The following SYNDIG1 variants were observed in gnomAD, a reference collection of about 807,000 sequenced individuals.
SYNDIG1 encodes the protein synapse differentiation-inducing gene protein 1.
Under a neutral mutation model 19.4 loss-of-function variants are expected in SYNDIG1, and 9 were observed. The ratio of observed to expected loss-of-function variants is 0.46; its 90% CI spans 0.28 to 0.81. SYNDIG1 has a LOEUF of 0.81. Ranked by LOEUF, SYNDIG1 falls within the 30% of genes least tolerant of loss-of-function variation. SYNDIG1 has a pLI of 0.12. For missense variants in SYNDIG1, 311 were observed against 343.3 expected (o/e 0.91, Z 0.74); for synonymous variants, 141 against 145.9 (o/e 0.97, Z 0.24).
chr20:24,624,359 G>T (rs74927426), intron 3 of SYNDIG1, among the ~76,000 whole-genome samples: 29,373 of 151,814 alleles, frequency 0.19, 3,779 homozygotes, highest in Admixed American at 0.35. Flanking sequence ...GGAAAAAGAT[G>T]TACTATGCTA....
intron 3 of SYNDIG1, among the ~76,000 whole-genome samples, chr20:24,637,048 G>C (rs1388594575): frequency 6.6e-6 from 1 of 152,248 alleles, no homozygotes; most frequent in South Asian, 2.1e-4. Context: ...CCCTGTGGGG[G>C]ATCCTGCAAG....
At chr20:24,508,443 C>CGG (rs1600474020) in intron 1 of SYNDIG1, among the ~76,000 whole-genome samples, 3 of 68,520 alleles carry the variant, frequency 4.4e-5, no homozygotes, top group East Asian at 4.1e-4. Flanking sequence ...TGGCCAAACT[C>CGG]CTGACCTCAA....
At chr20:24,617,157 G>A (rs2058948421) in intron 3 of SYNDIG1, among the ~76,000 whole-genome samples, 1 of 152,160 alleles carries the variant, frequency 6.6e-6, no homozygotes, top group Non-Finnish European at 1.5e-5. Context: ...CCGCCTGGGT[G>A]CTGTCCCCAG....
intron 2 of SYNDIG1, among the ~76,000 whole-genome samples, chr20:24,571,841 G>T (rs1338939344): frequency 6.6e-6 from 1 of 152,142 alleles, no homozygotes; most frequent in African/African-American, 2.4e-5. Flanking sequence ...AACAGACATT[G>T]ACCCTTCTGA....
At chr20:24,596,890 C>T (rs41309361) in intron 3 of SYNDIG1, 4,673 of 152,308 alleles carry the variant, frequency 0.031, 152 homozygotes, top group African/African-American at 0.084. Context: ...GTGTTTAGTC[C>T]CATTGGATTC....
chr20:24,560,694 C>CTTTTTTTTTTTTTTTTTTTTTTTGTTTT (rs10658853), intron 2 of SYNDIG1, among the ~76,000 whole-genome samples: 1 of 113,822 alleles, frequency 8.8e-6, no homozygotes. Flanking sequence ...CTGTTGACTA[C>CTTTTTTTTTTTTTTTTTTTTTTTGTTTT]TTTTTTTTTT....
intron 2 of SYNDIG1, among the ~76,000 whole-genome samples, chr20:24,569,884 C>T (rs1288859580): frequency 1.3e-5 from 2 of 152,098 alleles, no homozygotes; most frequent in African/African-American, 2.4e-5. Context: ...AGTTGTAGAA[C>T]CTAAGTGATG....
intron 2 of SYNDIG1, among the ~76,000 whole-genome samples, chr20:24,548,491 T>G (rs1199979397): frequency 2.0e-5 from 3 of 152,096 alleles, no homozygotes; most frequent in Non-Finnish European, 2.9e-5. Context: ...GTCATAAGTA[T>G]GGAAAGAGGG....
intron 3 of SYNDIG1, among the ~76,000 whole-genome samples, chr20:24,638,520 G>A (rs1294432436): frequency 5.9e-5 from 9 of 151,846 alleles, no homozygotes; most frequent in African/African-American, 2.2e-4. Context: ...ACCATGCCCG[G>A]TGAATTTTTT....
chr20:24,471,272 C>G (rs988405062), intron 1 of SYNDIG1, among the ~76,000 whole-genome samples: 4 of 151,920 alleles, frequency 2.6e-5, no homozygotes, highest in Non-Finnish European at 4.4e-5. Context: ...TGGCAGCAGC[C>G]GAAGTGAAAA....
chr20:24,640,622 A>C (rs1313889396), intron 3 of SYNDIG1, among the ~76,000 whole-genome samples: 1 of 152,136 alleles, frequency 6.6e-6, no homozygotes, highest in East Asian at 1.9e-4. Context: ...GTTTTGTTTT[A>C]CTATGTAATT....
intron 1 of SYNDIG1, among the ~76,000 whole-genome samples, chr20:24,505,015 A>C (rs983610083): frequency 6.6e-6 from 1 of 152,118 alleles, no homozygotes; most frequent in Non-Finnish European, 1.5e-5. Context: ...TTTGATTTTC[A>C]TGGAGGAGGT....
At chr20:24,495,687 C>T (rs907387849) in intron 1 of SYNDIG1, 17 of 152,334 alleles carry the variant, frequency 1.1e-4, no homozygotes, top group East Asian at 3.9e-4. Flanking sequence ...GGACTTCACT[C>T]TCTTCATGCA....
At chr20:24,648,905 C>A (rs904849305) in intron 3 of SYNDIG1, among the ~76,000 whole-genome samples, 1 of 152,220 alleles carries the variant, frequency 6.6e-6, no homozygotes, top group Non-Finnish European at 1.5e-5. Context: ...GGAAAAGGTA[C>A]TGATTCTTAT....
At chr20:24,540,240 T>G (rs2057442361) in intron 1 of SYNDIG1, among the ~76,000 whole-genome samples, 1 of 152,254 alleles carries the variant, frequency 6.6e-6, no homozygotes, top group African/African-American at 2.4e-5. Flanking sequence ...AGCTGATTTT[T>G]TGTGTATTAA....
chr20:24,487,942 G>A (rs554500628), intron 1 of SYNDIG1, among the ~76,000 whole-genome samples: 1 of 152,208 alleles, frequency 6.6e-6, no homozygotes, highest in South Asian at 2.1e-4. Flanking sequence ...AGGCTGTAGT[G>A]TGCCGATCTA....
At chr20:24,514,264 A>C (rs57419774) in intron 1 of SYNDIG1, among the ~76,000 whole-genome samples, 1 of 152,236 alleles carries the variant, frequency 6.6e-6, no homozygotes, top group Non-Finnish European at 1.5e-5. Flanking sequence ...GATCAAATTC[A>C]CACATAACAA....
intron 1 of SYNDIG1, among the ~76,000 whole-genome samples, chr20:24,479,854 C>G (rs566157371): frequency 6.6e-6 from 1 of 152,280 alleles, no homozygotes; most frequent in African/African-American, 2.4e-5. Context: ...AGATACAAGG[C>G]AAGGCTGTCC....
chr20:24,559,896 G>T (rs1458068703), intron 2 of SYNDIG1, among the ~76,000 whole-genome samples: 1 of 150,958 alleles, frequency 6.6e-6, no homozygotes, highest in Non-Finnish European at 1.5e-5. Context: ...TGCTTTCAAA[G>T]TTTTCTCTGT....
Sources: allele counts gnomAD v4.1 joint callset (sites outside exome capture counted in the v4.1 genomes callset), GRCh38; gene constraint gnomAD v4.1.1; transcripts MANE v1.5; gene names NCBI Gene and HGNC (gene_info 2026-07-23, HGNC 2026-07-21).